The following MYH11 variants were observed in gnomAD, a reference collection of about 807,000 sequenced individuals.
MYH11 encodes myosin heavy chain 11, also known as myosin-11.
Under a neutral mutation model 246.6 loss-of-function variants are expected in MYH11, and 80 were observed. The ratio of observed to expected loss-of-function variants is 0.32; its 90% CI spans 0.27 to 0.39. The LOEUF is 0.39. Ranked by LOEUF, MYH11 falls within the 10% of genes least tolerant of loss-of-function variation. The pLI, the probability that MYH11 is intolerant of heterozygous loss-of-function variation, is 1.00. For synonymous variants in MYH11, 1,071 were observed against 1,015.5 expected (o/e 1.05, Z -1.04); for missense variants, 2,158 against 2,546.8 (o/e 0.85, Z 3.29).
At chr16:15,717,645 A>G (rs1230984661) in intron 37 of MYH11, 2 of 477,314 alleles carry the variant, frequency 4.2e-6, no homozygotes, top group African/African-American at 3.9e-5. Flanking sequence ...AAATACAAAA[A>G]TTAGCCGGGC....
At chr16:15,763,505 C>T (rs917718372) in intron 10 of MYH11, among the ~76,000 whole-genome samples, 2 of 151,944 alleles carry the variant, frequency 1.3e-5, no homozygotes, top group African/African-American at 4.8e-5. Flanking sequence ...TTGGGCAACA[C>T]AGCGAGACCT....
At chr16:15,841,676 T>A (rs1473053374) in intron 1 of MYH11, among the ~76,000 whole-genome samples, 3 of 152,178 alleles carry the variant, frequency 2.0e-5, no homozygotes, top group Admixed American at 6.5e-5. Context: ...GACAACACAC[T>A]CTATAGGCCT....
intron 3 of MYH11, among the ~76,000 whole-genome samples, chr16:15,811,911 G>A (rs1384080791): frequency 6.6e-6 from 1 of 152,154 alleles, no homozygotes; most frequent in Non-Finnish European, 1.5e-5. Flanking sequence ...AAGTGCAGAG[G>A]CTCAGAATGG....
At position 15,748,025 on chromosome 16, in the gene MYH11, T is replaced by A. The variant is rs113145011; in HGVS notation, c.2180+22A>T. ...AGTCCCGCTCACCCCCTGCCCTACC[T>A]GGGCCAGACCTTGGGACTTACCGTT... is the stretch of plus-strand genomic sequence containing the variant. On this transcript the variant is annotated intron_variant, in intron 17 of 40. Coordinates refer to ENST00000300036, the MANE Select transcript of MYH11 (RefSeq NM_002474.3). 7.1e-4 allele frequency: 1,141 copies of A among 1,614,186 alleles called. 11 individuals are homozygous for A. The African/African-American group carries it at 0.012, about 17-fold the overall frequency.
chr16:15,744,584 C>T (rs886483193), intron 20 of MYH11, among the ~76,000 whole-genome samples: 9 of 152,204 alleles, frequency 5.9e-5, no homozygotes, highest in African/African-American at 2.2e-4. Flanking sequence ...CTCACTGCAA[C>T]CTCTGTCTCC....
chr16:15,762,223 C>T, intron 10 of MYH11, among the ~76,000 whole-genome samples: 1 of 152,174 alleles, frequency 6.6e-6, no homozygotes, highest in East Asian at 1.9e-4. Flanking sequence ...GATCCACCTG[C>T]CTGGGCCTCC....
intron 40 of MYH11, chr16:15,708,955 CTTTT>C: frequency 8.7e-7 from 1 of 1,145,968 alleles, no homozygotes; most frequent in Non-Finnish European, 1.3e-6. Flanking sequence ...TAAAGGCACT[CTTTT>C]TTATTTTGAG....
intron 2 of MYH11, among the ~76,000 whole-genome samples, chr16:15,833,415 G>GGAAGGAAGGAAGGAAGGAAC (rs1555458595): frequency 6.8e-6 from 1 of 148,004 alleles, no homozygotes; most frequent in African/African-American, 2.6e-5. Flanking sequence ...AAGGAAGGGA[G>GGAAGGAAGGAAGGAAGGAAC]GAACGAACTA....
chr16:15,799,427 T>C (rs1217382390), intron 3 of MYH11, among the ~76,000 whole-genome samples: 1 of 152,164 alleles, frequency 6.6e-6, no homozygotes, highest in Non-Finnish European at 1.5e-5. Context: ...CCTAGCCTGA[T>C]TCCTAGTGTT....
At chr16:15,711,184 G>C (rs571217771) in intron 40 of MYH11, 4 of 152,346 alleles carry the variant, frequency 2.6e-5, no homozygotes, top group African/African-American at 9.6e-5. Flanking sequence ...CTTCTCAGAG[G>C]GGTTTGGACT....
Position 15,750,334 on chromosome 16 carries a change from A to G in MYH11, c.1865-3T>C. 1 of 1,594,124 alleles carries G rather than the reference A, an allele frequency of 6.3e-7. No individual in the cohort carries two copies. Among genetic ancestry groups the G allele is most frequent in the Non-Finnish European group, 8.5e-7 (1 of 1,171,786 alleles). ...GTCCAGGCCCACGATGCGGTCCACT[A>G]TGGGGCACAGCCAGGGTGGCATCAG... is the stretch of plus-strand genomic sequence containing the variant. On this transcript the variant is annotated splice_region_variant and splice_polypyrimidine_tract_variant and intron_variant, in intron 15 of 40. Coordinates refer to ENST00000300036, the MANE Select transcript of MYH11 (RefSeq NM_002474.3). The surrounding 1 kb of genome is among the most constrained non-coding windows in gnomAD (Gnocchi z 4.3).
At chr16:15,758,103 C>A (rs1473269723) in intron 12 of MYH11, 103 bp from the exon 13 acceptor site, 1 of 1,541,506 alleles carries the variant, frequency 6.5e-7, no homozygotes. Context: ...ATGGCCCGCC[C>A]ACATCCTGTT....
At position 15,845,283 on chromosome 16, in the gene MYH11, T is replaced by C. The variant is rs1318088111; in HGVS notation, c.-17-7014A>G. On this transcript the variant is annotated intron_variant, in intron 1 of 40. Transcript: ENST00000300036. Reference sequence around the variant, plus strand: ...ATTCATAAACTTTCTTAAAACAGTATGATATTTTTTCGCGATTTTTTTTTT... The same window carrying C: ...ATTCATAAACTTTCTTAAAACAGTACGATATTTTTTCGCGATTTTTTTTTT... Among the ~76,000 whole-genome samples the C allele has an allele frequency of 7.7e-5, 11 of 142,538 alleles. No homozygotes were observed. In the South Asian group the frequency reaches 1.8e-3, roughly 24 times the overall value. The allele number at this position is 142,538 out of a possible 152,430, so 93.5% of individuals were successfully genotyped here.
chr16:15,820,424 A>G (rs2043378080), intron 3 of MYH11, among the ~76,000 whole-genome samples: 1 of 150,974 alleles, frequency 6.6e-6, no homozygotes, highest in Admixed American at 6.6e-5. Context: ...CAGTGAGCTG[A>G]GATCACACCA....
intron 1 of MYH11, 29 bp downstream of exon 1, chr16:15,856,912 C>A: frequency 6.6e-6 from 1 of 152,414 alleles, no homozygotes; most frequent in Non-Finnish European, 1.5e-5. Flanking sequence ...GCCCTGCAAT[C>A]TGCCCCCAGA....
chr16:15,720,307 G>T lies in MYH11; in HGVS notation c.4797C>A (p.His1599Gln). ...CGTCTTCCAGTTCCGTCTCATACTCGTGAAGCTGGGCGAGGAATAGAGATG... is the reference window on the plus strand; with the variant it reads ...CGTCTTCCAGTTCCGTCTCATACTCTTGAAGCTGGGCGAGGAATAGAGATG... ...EKRRQLQRQL[H>Q]EYETELEDER... Residue 1599 changes from histidine (H) to glutamine (Q), a missense_variant, in exon 34 of 41, where the codon CAC (histidine) becomes CAA (glutamine). Around this residue, in one of 11 missense-constraint regions of MYH11, gnomAD observed 1,013 missense variants for 993.5 expected, o/e 1.02. Coordinates refer to ENST00000300036, the MANE Select transcript of MYH11 (RefSeq NM_002474.3). 2 of 1,613,834 alleles carry T rather than the reference G, an allele frequency of 1.2e-6. No homozygotes were observed. The highest frequency in any genetic ancestry group is 1.7e-6 in the Non-Finnish European group (2 of 1,179,908).
chr16:15,788,111 G>A (rs377035699), intron 4 of MYH11, among the ~76,000 whole-genome samples: 2 of 37,658 alleles, frequency 5.3e-5, no homozygotes, highest in African/African-American at 1.2e-4. Flanking sequence ...GATGGCTTTC[G>A]TGCACTAGCT....
chr16:15,745,919 T>C (rs1371702727), intron 19 of MYH11, among the ~76,000 whole-genome samples: 2 of 150,426 alleles, frequency 1.3e-5, no homozygotes, highest in African/African-American at 2.5e-5. Context: ...CTTATTTATT[T>C]ATTTGTTTAT....
intron 3 of MYH11, among the ~76,000 whole-genome samples, chr16:15,807,791 C>T (rs994672500): frequency 3.3e-5 from 5 of 152,142 alleles, no homozygotes; most frequent in African/African-American, 4.8e-5. Flanking sequence ...GCCCCAGGCA[C>T]GTTTCCTGAG....
Sources: gnomAD v4.1 joint callset for allele counts (sites outside exome capture counted in the v4.1 genomes callset) on GRCh38, gnomAD v4.1.1 for gene constraint, gnomAD v4.1.1 regional missense constraint, Gnocchi (gnomAD v3.1) non-coding constraint, MANE v1.5 for transcripts, NCBI Gene and HGNC (gene_info 2026-07-23, HGNC 2026-07-21) for gene names.